Variants in GTF2H1 observed in about 807,000 individuals in gnomAD.
GTF2H1 encodes BTF2 p62.
A neutral mutation model predicts 71.2 loss-of-function variants in GTF2H1; 16 were observed. The ratio of observed to expected loss-of-function variants is 0.22; its 90% CI spans 0.15 to 0.34. GTF2H1 has a LOEUF of 0.34. Among genes scored for constraint, GTF2H1 ranks in the 10% least tolerant of loss-of-function variants. The pLI, the probability that GTF2H1 is intolerant of heterozygous loss-of-function variation, is 1.00. For synonymous variants in GTF2H1, 215 were observed against 219.0 expected (o/e 0.98, Z 0.16); for missense variants, 498 against 648.2 (o/e 0.77, Z 2.52).
intron 1 of GTF2H1, 65 bp from the exon 2 acceptor site, chr11:18,332,995 C>G: frequency 8.8e-7 from 1 of 1,130,942 alleles, no homozygotes; most frequent in Non-Finnish European, 1.2e-6. Context: ...CTCTAGAAGT[C>G]AACAAATTCA....
intron 9 of GTF2H1, among the ~76,000 whole-genome samples, chr11:18,350,385 A>G (rs1346204629): frequency 1.3e-5 from 2 of 152,168 alleles, no homozygotes; most frequent in African/African-American, 4.8e-5. Flanking sequence ...AAAATCATGA[A>G]GACATCAGTA....
At chr11:18,349,598 A>G (rs1460431920) in intron 9 of GTF2H1, among the ~76,000 whole-genome samples, 1 of 152,172 alleles carries the variant, frequency 6.6e-6, no homozygotes, top group Non-Finnish European at 1.5e-5. Context: ...CAGCAAAATC[A>G]CTTGAACCTG....
intron 7 of GTF2H1, among the ~76,000 whole-genome samples, chr11:18,345,384 G>T (rs1242007435): frequency 6.6e-6 from 1 of 152,020 alleles, no homozygotes; most frequent in African/African-American, 2.4e-5. Context: ...ACTCCTCTCA[G>T]AGTGTAATCT....
chr11:18,329,805 T>C (rs1010534035), intron 1 of GTF2H1, among the ~76,000 whole-genome samples: 2 of 152,242 alleles, frequency 1.3e-5, no homozygotes, highest in Non-Finnish European at 2.9e-5. Context: ...ATAACCAAAC[T>C]ATGTATTAAA....
intron 1 of GTF2H1, among the ~76,000 whole-genome samples, chr11:18,325,306 T>C (rs1864735678): frequency 6.6e-6 from 1 of 152,268 alleles, no homozygotes. Context: ...GATCCAGTTA[T>C]TAGAATCTGT....
chr11:18,349,551 C>T (rs1289166525), intron 9 of GTF2H1, among the ~76,000 whole-genome samples: 5 of 152,230 alleles, frequency 3.3e-5, no homozygotes, highest in African/African-American at 9.6e-5. Flanking sequence ...GGCATGGTGA[C>T]GTGCGCCTGT....
At chr11:18,356,851 A>C (rs1170543211) in intron 11 of GTF2H1, among the ~76,000 whole-genome samples, 1 of 144,574 alleles carries the variant, frequency 6.9e-6, no homozygotes, top group African/African-American at 2.6e-5. Context: ...GTGCAGTGAC[A>C]CCATCTCAGC....
intron 1 of GTF2H1, among the ~76,000 whole-genome samples, chr11:18,331,110 C>G (rs1276655733): frequency 6.6e-6 from 1 of 152,144 alleles, no homozygotes; most frequent in South Asian, 2.1e-4. Context: ...TACAATGTTG[C>G]GATCTCACCT....
At chr11:18,340,084 T>C (rs1461594290) in intron 5 of GTF2H1, among the ~76,000 whole-genome samples, 1 of 152,150 alleles carries the variant, frequency 6.6e-6, no homozygotes, top group African/African-American at 2.4e-5. Context: ...CGCTTCCCTC[T>C]TCCCCACTCT....
chr11:18,365,968 G>A lies in GTF2H1; in HGVS notation c.*99G>A. 2.6e-6 allele frequency: 2 copies of A among 760,964 alleles called. No individual in the cohort carries two copies. The highest frequency in any genetic ancestry group is 4.6e-6 in the Non-Finnish European group (2 of 438,350). The allele number at this position is 760,964 out of a possible 1,614,324, so 47.1% of individuals were successfully genotyped here. On this transcript the variant is annotated 3_prime_UTR_variant, in exon 15 of 15. Transcript: ENST00000265963. ...GACAGACAAGCAGATGACCTCACAG[G>A]AGTGATAAGAAACATCTGCTCCACG...
intron 7 of GTF2H1, among the ~76,000 whole-genome samples, chr11:18,346,399 C>G (rs141563937): frequency 2.0e-5 from 3 of 152,222 alleles, no homozygotes; most frequent in African/African-American, 7.2e-5. Context: ...TTGGCAAGCA[C>G]CAGTTTATCT....
At position 18,366,085 on chromosome 11, in the gene GTF2H1, C is replaced by G; in HGVS notation, c.*216C>G. 5.3e-6 allele frequency: 3 copies of G among 561,904 alleles called. No individual in the cohort carries two copies. The highest frequency in any genetic ancestry group is 3.2e-6 in the Non-Finnish European group (1 of 314,486). 34.8% of individuals were successfully genotyped at this position (561,904 alleles called of 1,614,324 possible). On this transcript the variant is annotated 3_prime_UTR_variant, in exon 15 of 15. Transcript: ENST00000265963. Reference sequence around the variant, plus strand: ...GCTGGGGAGGTAAATTAAGACAGAACCAAATGAGCTAAGTTGCAAATATAT... The same window carrying G: ...GCTGGGGAGGTAAATTAAGACAGAAGCAAATGAGCTAAGTTGCAAATATAT...
intron 2 of GTF2H1, among the ~76,000 whole-genome samples, chr11:18,333,921 T>G (rs1864961547): frequency 6.6e-6 from 1 of 152,218 alleles, no homozygotes; most frequent in East Asian, 1.9e-4. Context: ...TTATAGTGAA[T>G]GTAGGTGGTG....
rs143027521 is a variant in GTF2H1, at chr11:18,364,541, T to C, written c.1561-1242T>C. Among the ~76,000 whole-genome samples, 4 of 152,246 alleles carry C rather than the reference T, an allele frequency of 2.6e-5. No individual in the cohort carries two copies. In the East Asian group the frequency reaches 7.7e-4, roughly 29 times the overall value. ...GACTATAGTAAACTAAAATTGCACC[T>C]GTGAATAGCCACTGCACTCCAGCCT... On this transcript the variant is annotated intron_variant, in intron 14 of 14. Transcript: ENST00000265963.
rs922932897 is a variant in GTF2H1 at position 18,366,403 on chromosome 11, T to A, written c.*534T>A. 2 of 152,694 alleles carry A rather than the reference T, an allele frequency of 1.3e-5. No individual in the cohort carries two copies. The highest frequency in any genetic ancestry group is 4.8e-5 in the African/African-American group (2 of 41,446). 9.5% of individuals were successfully genotyped at this position (152,694 alleles called of 1,614,324 possible). A position where few individuals can be genotyped will look rare whatever the true frequency, so the allele number is the denominator to read the frequency against. Reference sequence around the variant, plus strand: ...CTCAAGTTTTAATGAATTCCAATTATACCTTACATCAGCAAGTTAAAAAAA... The same window carrying A: ...CTCAAGTTTTAATGAATTCCAATTAAACCTTACATCAGCAAGTTAAAAAAA... On this transcript the variant is annotated 3_prime_UTR_variant, in exon 15 of 15. Coordinates refer to ENST00000265963, the MANE Select transcript of GTF2H1 (RefSeq NM_005316.4).
At chr11:18,333,914 T>C (rs1354496340) in intron 2 of GTF2H1, among the ~76,000 whole-genome samples, 3 of 152,186 alleles carry the variant, frequency 2.0e-5, no homozygotes, top group Non-Finnish European at 4.4e-5. Flanking sequence ...CTCAACCTTA[T>C]AGTGAATGTA....
chr11:18,352,266 A>G (rs1292673948), intron 10 of GTF2H1, 63 bp from the exon 11 acceptor site: 1 of 777,776 alleles, frequency 1.3e-6, no homozygotes. Context: ...AAAATGTTGC[A>G]AAGACAAATG....
chr11:18,354,004 G>A (rs1865484564), intron 11 of GTF2H1, among the ~76,000 whole-genome samples: 1 of 152,182 alleles, frequency 6.6e-6, no homozygotes. Flanking sequence ...TGGTCCAGCA[G>A]ACAAGCTGGG....
At chr11:18,346,012 G>A (rs1026437820) in intron 7 of GTF2H1, among the ~76,000 whole-genome samples, 1 of 148,368 alleles carries the variant, frequency 6.7e-6, no homozygotes, top group East Asian at 2.1e-4. Flanking sequence ...GGATGGCCTC[G>A]ATCTCCTGAC....
Sources: allele counts gnomAD v4.1 joint callset (sites outside exome capture counted in the v4.1 genomes callset), GRCh38; gene constraint gnomAD v4.1.1; transcripts MANE v1.5; gene names NCBI Gene and HGNC (gene_info 2026-07-23, HGNC 2026-07-21).